SHANK2: variants seen among roughly 807,000 people sequenced by gnomAD.
SHANK2 encodes the protein SH3 and multiple ankyrin repeat domains protein 2.
In SHANK2, 43 loss-of-function variants were observed where a neutral mutation model predicts 133.7. That is an observed-to-expected ratio of 0.32 (90% CI 0.25 to 0.41). The LOEUF (loss-of-function observed/expected upper bound fraction) is 0.41, where lower values mean the gene tolerates loss of function less well. Among genes scored for constraint, SHANK2 ranks in the 10% least tolerant of loss-of-function variants. The pLI is 1.00. For missense variants in SHANK2, 1,994 were observed against 2,235.8 expected (o/e 0.89, Z 2.18); for synonymous variants, 1,017 against 952.8 (o/e 1.07, Z -1.24).
chr11:70,675,094 C>A (rs782634347), intron 15 of SHANK2, among the ~76,000 whole-genome samples: 6 of 152,182 alleles, frequency 3.9e-5, no homozygotes, highest in Admixed American at 6.5e-5. Flanking sequence ...GAAATGAGAT[C>A]ATCTGTGAGA....
chr11:71,197,995 C>A (rs542822877), intron 2 of SHANK2, among the ~76,000 whole-genome samples: 1 of 152,348 alleles, frequency 6.6e-6, no homozygotes, highest in African/African-American at 2.4e-5. Context: ...GGGGCAGTCA[C>A]TGCTAAGGAT....
intron 21 of SHANK2, chr11:70,495,764 G>A: frequency 5.4e-6 from 1 of 185,670 alleles, no homozygotes; most frequent in Admixed American, 6.1e-5. Flanking sequence ...CCAAGTTAGG[G>A]GAAGAGCAGC....
At chr11:71,244,412 C>T (rs1954934431) in intron 1 of SHANK2, among the ~76,000 whole-genome samples, 2 of 152,222 alleles carry the variant, frequency 1.3e-5, no homozygotes, top group Admixed American at 1.3e-4. Flanking sequence ...CAAACGGGAC[C>T]CATGCACTGA....
chr11:70,487,542 G>A lies in SHANK2; in HGVS notation c.2751C>T (p.Tyr917=), dbSNP rs1373082612. 17 of 1,613,532 alleles carry A rather than the reference G, an allele frequency of 1.1e-5. No individual in the cohort carries two copies. The highest frequency in any genetic ancestry group is 4.0e-5 in the African/African-American group (3 of 74,788). Residue 917 remains tyrosine, a synonymous_variant, in exon 25 of 26, where the codon TAC becomes TAT. Transcript: ENST00000601538. This position sits in a 1 kb window ranked among gnomAD's most constrained non-coding sequence, Gnocchi z 5.8. The part of the protein sequence containing the change: ...NCPKSPTPRV[Y]GTIKPAFNQN... Reference sequence around the variant, plus strand: ...GATTGAACGCAGGCTTAATCGTCCCGTAGACTCTTGGAGTTGGGGACTTGG... The same window carrying A: ...GATTGAACGCAGGCTTAATCGTCCCATAGACTCTTGGAGTTGGGGACTTGG...
chr11:71,208,509 G>A (rs1954179078), intron 2 of SHANK2, among the ~76,000 whole-genome samples: 1 of 152,138 alleles, frequency 6.6e-6, no homozygotes, highest in South Asian at 2.1e-4. Flanking sequence ...GCACCCAAGT[G>A]TTCCTCCCCA....
At chr11:71,236,972 G>T (rs372291620) in intron 1 of SHANK2, among the ~76,000 whole-genome samples, 2 of 152,206 alleles carry the variant, frequency 1.3e-5, no homozygotes, top group South Asian at 4.1e-4. Flanking sequence ...GTGGGACTGC[G>T]CTGCGGGCCT....
At chr11:70,746,454 G>A (rs1249681696) in intron 14 of SHANK2, among the ~76,000 whole-genome samples, 11 of 142,288 alleles carry the variant, frequency 7.7e-5, no homozygotes, top group Non-Finnish European at 9.1e-5. Context: ...ACACTCTCCC[G>A]CCTCTCCAGG....
At chr11:71,107,702 G>A (rs1354710147) in intron 6 of SHANK2, among the ~76,000 whole-genome samples, 7 of 152,206 alleles carry the variant, frequency 4.6e-5, no homozygotes, top group African/African-American at 1.7e-4. Flanking sequence ...AGGACCCAGA[G>A]AAATCGCTGC....
intron 2 of SHANK2, among the ~76,000 whole-genome samples, chr11:71,189,974 C>T (rs1953758555): frequency 6.6e-6 from 1 of 152,222 alleles, no homozygotes; most frequent in Non-Finnish European, 1.5e-5. Flanking sequence ...GCACGAGGGC[C>T]CAGCCCAAGC....
At chr11:71,093,848 C>T (rs1555094691) in intron 7 of SHANK2, among the ~76,000 whole-genome samples, 2 of 152,212 alleles carry the variant, frequency 1.3e-5, no homozygotes, top group East Asian at 1.9e-4. Context: ...AGCGAGGCCC[C>T]CGTCTTGGGG....
At chr11:70,921,174 C>T (rs1390641596) in intron 10 of SHANK2, among the ~76,000 whole-genome samples, 1 of 152,196 alleles carries the variant, frequency 6.6e-6, no homozygotes, top group Non-Finnish European at 1.5e-5. Context: ...CAGATGAATG[C>T]TCCCACCAAA....
intron 11 of SHANK2, among the ~76,000 whole-genome samples, chr11:70,852,064 T>G (rs1384812562): frequency 6.6e-6 from 1 of 152,174 alleles, no homozygotes; most frequent in Non-Finnish European, 1.5e-5. Context: ...GGCCACTCTG[T>G]GCCCAGGGAA....
At chr11:70,478,538 G>A (rs956225341) in intron 25 of SHANK2, among the ~76,000 whole-genome samples, 1 of 152,178 alleles carries the variant, frequency 6.6e-6, no homozygotes, top group Non-Finnish European at 1.5e-5. Context: ...CATCTTTACA[G>A]CCTCCTGATA....
At chr11:71,223,137 A>G (rs777445885) in intron 2 of SHANK2, among the ~76,000 whole-genome samples, 1 of 152,252 alleles carries the variant, frequency 6.6e-6, no homozygotes, top group Non-Finnish European at 1.5e-5. Context: ...ACTGCATTTC[A>G]GACGGGATTG....
intron 9 of SHANK2, among the ~76,000 whole-genome samples, chr11:71,065,519 G>A (rs1951040985): frequency 7.1e-6 from 1 of 139,948 alleles, no homozygotes; most frequent in African/African-American, 2.7e-5. Flanking sequence ...TGGGGTGTAT[G>A]TGCAGAACTC....
chr11:70,660,944 G>C (rs1222197746), intron 16 of SHANK2, among the ~76,000 whole-genome samples: 1 of 152,224 alleles, frequency 6.6e-6, no homozygotes, highest in Non-Finnish European at 1.5e-5. Context: ...ATGCCATTTT[G>C]TTTTCTTTTG....
At chr11:71,174,366 G>GT (rs1198363646) in intron 2 of SHANK2, among the ~76,000 whole-genome samples, 1 of 152,094 alleles carries the variant, frequency 6.6e-6, no homozygotes, top group African/African-American at 2.4e-5. Flanking sequence ...GGGCAACGTT[G>GT]TGAGACCTCA....
Position 70,905,803 on chromosome 11 carries a change from GT to G in SHANK2, c.1108-9237del, listed in dbSNP as rs112602946. ...GTTTATAAGCCACCACCCAGTTTATGTTTTTTTTTTTTTTTTTTTTTTTTTG... is the reference window on the plus strand; with the variant it reads ...GTTTATAAGCCACCACCCAGTTTATGTTTTTTTTTTTTTTTTTTTTTTTTG... On this transcript the variant is annotated intron_variant, in intron 10 of 25. Transcript: ENST00000601538. Among the ~76,000 whole-genome samples, 892 of 136,650 alleles carry G rather than the reference GT, an allele frequency of 6.5e-3. 25 individuals carry two copies. Among genetic ancestry groups the G allele is most frequent in the African/African-American group, 0.019 (695 of 36,596 alleles). The allele number at this position is 136,650 out of a possible 152,430, so 89.6% of individuals were successfully genotyped here.
At position 70,546,185 on chromosome 11, in the gene SHANK2, C is replaced by T. The variant is rs367761758; in HGVS notation, c.2062-43254G>A. On this transcript the variant is annotated intron_variant, in intron 17 of 25. Transcript: ENST00000601538. The stretch of plus-strand genomic sequence containing the variant: ...AACTCCTGATCTCAAGGAATCCGCC[C>T]GCCTCGGCCTCCCAAAGTGCTGGAA... 1.4e-4 allele frequency among the ~76,000 whole-genome samples: 21 copies of T among 151,442 alleles called. No individual in the cohort carries two copies. In the East Asian group the frequency reaches 2.5e-3, roughly 18 times the overall value.
Sources: allele counts gnomAD v4.1 joint callset (sites outside exome capture counted in the v4.1 genomes callset), GRCh38; gene constraint gnomAD v4.1.1; non-coding constraint Gnocchi (gnomAD v3.1); transcripts MANE v1.5; gene names NCBI Gene and HGNC (gene_info 2026-07-23, HGNC 2026-07-21).